Variants in L3MBTL4 observed in about 807,000 individuals in gnomAD.
The protein encoded by L3MBTL4 is L3MBTL histone methyl-lysine binding protein 4.
A neutral mutation model predicts 84.5 loss-of-function variants in L3MBTL4; 70 were observed. The observed-to-expected ratio is 0.83, with a 90% CI of 0.68 to 1.01. The LOEUF (loss-of-function observed/expected upper bound fraction) is 1.01, where lower values mean the gene tolerates loss of function less well. L3MBTL4 is among the 50% of genes least tolerant of loss of function. L3MBTL4 has a pLI of 0.00. For missense variants in L3MBTL4, 715 were observed against 754.8 expected, an observed-to-expected ratio of 0.95 and a Z score of 0.62; for synonymous variants, 274 against 259.8, an observed-to-expected ratio of 1.05 and a Z score of -0.52.
intron 4 of L3MBTL4, among the ~76,000 whole-genome samples, chr18:6,290,276 T>G (rs2049797969): frequency 2.1e-5 from 2 of 95,776 alleles, no homozygotes; most frequent in South Asian, 6.0e-4. Flanking sequence ...GCAGAAGGGT[T>G]TTTTTTTTTT....
intron 1 of L3MBTL4, among the ~76,000 whole-genome samples, chr18:6,318,528 CAAAG>C (rs2051236198): frequency 2.1e-5 from 1 of 46,518 alleles, no homozygotes; most frequent in African/African-American, 8.1e-5. Context: ...AAAAAAAAGA[CAAAG>C]AAGGTCATTA....
rs114900876 is a variant in L3MBTL4 at position 5,980,759 on chromosome 18, T to C, written c.1445-11197A>G. Among the ~76,000 whole-genome samples, 1,272 of 152,292 alleles carry C rather than the reference T, an allele frequency of 8.4e-3. 17 individuals carry two copies. Among genetic ancestry groups the C allele is most frequent in the African/African-American group, 0.029 (1,204 of 41,562 alleles). Reference sequence around the variant, plus strand: ...TGCACTTCTTTTCACATTTCACTTTTGGGCAAACTCAATGAAGAAGTAGCT... The same window carrying C: ...TGCACTTCTTTTCACATTTCACTTTCGGGCAAACTCAATGAAGAAGTAGCT... On this transcript the variant is annotated intron_variant, in intron 16 of 18. Transcript: ENST00000317931.
chr18:6,205,391 A>G lies in L3MBTL4; in HGVS notation c.981+7758T>C, dbSNP rs548728212. On this transcript the variant is annotated intron_variant, in intron 12 of 18. Transcript: ENST00000317931. Reference sequence around the variant, plus strand: ...CTTCTGACCTAGAGAAATGTAACATAGTAAATTTGTGGTGTTTTTATTTTT... The same window carrying G: ...CTTCTGACCTAGAGAAATGTAACATGGTAAATTTGTGGTGTTTTTATTTTT... 4.6e-5 allele frequency among the ~76,000 whole-genome samples: 7 copies of G among 152,326 alleles called. No individual in the cohort carries two copies. In the East Asian group the frequency reaches 1.2e-3, roughly 25 times the overall value.
intron 16 of L3MBTL4, among the ~76,000 whole-genome samples, chr18:5,990,887 G>A (rs2053666217): frequency 6.6e-6 from 1 of 152,078 alleles, no homozygotes; most frequent in Non-Finnish European, 1.5e-5. Flanking sequence ...TGAAGATTAA[G>A]TGAGATACAT....
intron 16 of L3MBTL4, among the ~76,000 whole-genome samples, chr18:5,997,640 C>T (rs748904478): frequency 2.6e-5 from 4 of 152,046 alleles, no homozygotes; most frequent in Admixed American, 6.6e-5. Flanking sequence ...CCTTTCCAGA[C>T]GGAACCAATG....
At chr18:6,124,916 A>G (rs597268) in intron 14 of L3MBTL4, among the ~76,000 whole-genome samples, 4 of 152,196 alleles carry the variant, frequency 2.6e-5, no homozygotes, top group Admixed American at 6.5e-5. Flanking sequence ...AGAGTAAGGT[A>G]TGTATTCTCA....
intron 1 of L3MBTL4, among the ~76,000 whole-genome samples, chr18:6,406,704 G>A (rs927298733): frequency 2.6e-5 from 4 of 152,134 alleles, no homozygotes; most frequent in Non-Finnish European, 5.9e-5. Context: ...ACCAGGCATG[G>A]GGCAGCATGC....
intron 16 of L3MBTL4, among the ~76,000 whole-genome samples, chr18:6,034,536 C>G (rs1363577220): frequency 6.6e-6 from 1 of 152,094 alleles, no homozygotes; most frequent in Non-Finnish European, 1.5e-5. Context: ...TTTTCTTAAT[C>G]CAGTCTATCA....
intron 16 of L3MBTL4, among the ~76,000 whole-genome samples, chr18:6,020,365 GA>G (rs1195198169): frequency 2.0e-5 from 3 of 152,106 alleles, no homozygotes; most frequent in Admixed American, 2.0e-4. Context: ...GGCAAGAGGT[GA>G]GAGGGCAGGC....
chr18:6,220,093 T>G (rs1225988655), intron 10 of L3MBTL4, among the ~76,000 whole-genome samples: 3 of 152,042 alleles, frequency 2.0e-5, no homozygotes, highest in Admixed American at 6.6e-5. Context: ...TCTAGGGAGA[T>G]TACTTCCAGA....
chr18:6,173,270 C>T (rs1324057586), intron 12 of L3MBTL4, among the ~76,000 whole-genome samples: 1 of 152,106 alleles, frequency 6.6e-6, no homozygotes, highest in Non-Finnish European at 1.5e-5. Flanking sequence ...GGACATCGGA[C>T]AATAGGCAGC....
At chr18:6,314,113 G>A (rs1027480735) in intron 1 of L3MBTL4, among the ~76,000 whole-genome samples, 3 of 152,114 alleles carry the variant, frequency 2.0e-5, no homozygotes, top group African/African-American at 7.2e-5. Flanking sequence ...CAGACTTAAA[G>A]AGAGATTTTG....
rs952458246 is a variant in L3MBTL4 at position 5,955,081 on chromosome 18, T to G, written c.*1139A>C. The G allele has an allele frequency of 2.0e-5, 3 of 152,088 alleles. No homozygotes were observed. The highest frequency in any genetic ancestry group is 7.2e-5 in the African/African-American group (3 of 41,402). The allele number at this position is 152,088 out of a possible 1,614,324, so 9.4% of individuals were successfully genotyped here. ...TGGTGTCCCTCCACTTCTGGGAGAG[T>G]ATTTGTAGCTGTTACTACCTGTAAA... On this transcript the variant is annotated 3_prime_UTR_variant, in exon 19 of 19. Transcript: ENST00000317931.
chr18:6,117,174 G>A (rs750180704), intron 14 of L3MBTL4, among the ~76,000 whole-genome samples: 4 of 152,190 alleles, frequency 2.6e-5, no homozygotes, highest in African/African-American at 4.8e-5. Flanking sequence ...GGAAGAGACT[G>A]AGGGTCAATA....
intron 16 of L3MBTL4, among the ~76,000 whole-genome samples, chr18:5,972,852 T>C (rs1311911320): frequency 1.2e-5 from 1 of 86,742 alleles, no homozygotes; most frequent in African/African-American, 7.3e-5. Flanking sequence ...AGACAAAAAA[T>C]AGAATAGTAT....
rs191609585 is a variant in L3MBTL4 at position 6,094,093 on chromosome 18, G to A, written c.1200-565C>T. ...GGAGAGGCCCAAGCCCAGGTCTGCT[G>A]AGTCTATTATCTCCCCTCACAAGTC... is the stretch of plus-strand genomic sequence containing the variant. On this transcript the variant is annotated intron_variant, in intron 14 of 18. Coordinates refer to ENST00000317931, the MANE Select transcript of L3MBTL4 (RefSeq NM_001330559.2). Among the ~76,000 whole-genome samples, 300 of 152,322 alleles carry A rather than the reference G, an allele frequency of 2.0e-3. 1 individual carries two copies. Among genetic ancestry groups the A allele is most frequent in the African/African-American group, 6.8e-3 (282 of 41,580 alleles).
chr18:5,972,887 CAGAAG>C lies in L3MBTL4; in HGVS notation c.1445-3330_1445-3326del, dbSNP rs1181547438. Among the ~76,000 whole-genome samples the C allele has an allele frequency of 1.2e-3, 31 of 26,700 alleles. 1 individual carries two copies. The highest frequency in any genetic ancestry group is 3.5e-3 in the South Asian group (3 of 864). 17.5% of individuals were successfully genotyped at this position (26,700 alleles called of 152,430 possible). On this transcript the variant is annotated intron_variant, in intron 16 of 18. Transcript: ENST00000317931. ...TAGAATAGAATAGAATAGAATAGAA[CAGAAG>C]AGAATAGAATAGAATAGAATAGAAT... is the stretch of plus-strand genomic sequence containing the variant.
At chr18:6,110,109 G>C (rs2059144382) in intron 14 of L3MBTL4, among the ~76,000 whole-genome samples, 1 of 151,968 alleles carries the variant, frequency 6.6e-6, no homozygotes, top group Admixed American at 6.5e-5. Context: ...TAATAACTCA[G>C]TCTACATACT....
intron 7 of L3MBTL4, among the ~76,000 whole-genome samples, chr18:6,242,665 C>T (rs1448976405): frequency 1.3e-5 from 2 of 152,198 alleles, no homozygotes; most frequent in Non-Finnish European, 2.9e-5. Context: ...AACAGTCTGA[C>T]ATCCAAGCCA....
Sources: gnomAD v4.1 joint callset for allele counts (sites outside exome capture counted in the v4.1 genomes callset) on GRCh38, gnomAD v4.1.1 for gene constraint, MANE v1.5 for transcripts, NCBI Gene and HGNC (gene_info 2026-07-23, HGNC 2026-07-21) for gene names.